The following MUC4 variants were observed in gnomAD, a reference collection of about 807,000 sequenced individuals.
MUC4 encodes mucin-4.
Under a neutral mutation model 257.9 loss-of-function variants are expected in MUC4, and 202 were observed. The observed-to-expected ratio is 0.78, with a 90% CI of 0.70 to 0.88. The LOEUF is 0.88. Ranked by LOEUF, MUC4 falls within the 40% of genes least tolerant of loss-of-function variation. The probability of loss-of-function intolerance (pLI) is 0.00; values close to 1 mark genes in which losing one functional copy is unlikely to be tolerated. For missense variants in MUC4, 5,976 were observed against 6,513.7 expected (o/e 0.92, Z 2.84); for synonymous variants, 2,351 against 2,757.1 (o/e 0.85, Z 4.62).
intron 4 of MUC4, among the ~76,000 whole-genome samples, chr3:195,772,265 C>T (rs1007052010): frequency 7.3e-5 from 11 of 151,634 alleles, no homozygotes; most frequent in African/African-American, 9.7e-5. Flanking sequence ...CTCTCTCCAT[C>T]GCTCAGGGGT....
At chr3:195,769,372 T>C in intron 6 of MUC4, 1 of 555,040 alleles carries the variant, frequency 1.8e-6, no homozygotes. Flanking sequence ...TGGATTTGCC[T>C]TTTGGTGACT....
rs1196353695 is a variant in MUC4, at chr3:195,789,991, G to T, written c.1589C>A (p.Pro530Gln). 6.2e-7 allele frequency: 1 copy of T among 1,613,942 alleles called. No individual in the cohort carries two copies. The highest frequency in any genetic ancestry group is 8.5e-7 in the Non-Finnish European group (1 of 1,179,872). Residue 530 changes from proline (P) to glutamine (Q), a missense_variant, in exon 2 of 25, where the codon CCA (proline) becomes CAA (glutamine). Pro to Gln is a moderately conservative substitution (Grantham distance 76). Coordinates refer to ENST00000463781, the MANE Select transcript of MUC4 (RefSeq NM_018406.7). Reference sequence around the variant, plus strand: ...TGCTGAGACCTTAGAGGGGACCCTTGGAATAGTGCCAGCTGTCCCTGTAGA... The same window carrying T: ...TGCTGAGACCTTAGAGGGGACCCTTTGAATAGTGCCAGCTGTCCCTGTAGA... ...NPSTGTAGTIPRVPSKVSAIG... is the reference protein window; with the variant it reads ...NPSTGTAGTIQRVPSKVSAIG...
In MUC4 at chr3:195,811,902, C is replaced by G. The variant is rs1401516692; in HGVS notation, c.-85G>C. The G allele has an allele frequency of 1.5e-6, 2 of 1,369,150 alleles. No individual in the cohort carries two copies. Among genetic ancestry groups the G allele is most frequent in the South Asian group, 2.5e-5 (2 of 79,022 alleles). 84.8% of individuals were successfully genotyped at this position (1,369,150 alleles called of 1,614,324 possible). A position where few individuals can be genotyped will look rare whatever the true frequency, so the allele number is the denominator to read the frequency against. On this transcript the variant is annotated 5_prime_UTR_variant, in exon 1 of 25. Coordinates refer to ENST00000463781, the MANE Select transcript of MUC4 (RefSeq NM_018406.7). ...GTGAGGAGCAGACGTGAGCCCGTCC[C>G]CTCAGGCGGCTGGCCCGAACCAAGT...
intron 11 of MUC4, 38 bp downstream of exon 11, chr3:195,764,007 C>T: frequency 6.3e-7 from 1 of 1,591,162 alleles, no homozygotes; most frequent in Non-Finnish European, 8.6e-7. Context: ...GCTCCCCCTC[C>T]CCAGAGGCTC....
chr3:195,804,687 G>A (rs1269708797), intron 1 of MUC4, among the ~76,000 whole-genome samples: 3 of 152,262 alleles, frequency 2.0e-5, no homozygotes, highest in Non-Finnish European at 4.4e-5. Context: ...CAAGGGAAGT[G>A]CCCAACGGTA....
chr3:195,778,519 A>G (rs1316707649), intron 2 of MUC4, 64 bp from the exon 3 acceptor site: 4 of 1,582,682 alleles, frequency 2.5e-6, no homozygotes, highest in Non-Finnish European at 3.4e-6. Flanking sequence ...AGTCAAAGAG[A>G]TTCAAAGAAA....
At chr3:195,747,800 G>T (rs1473511125) in intron 24 of MUC4, among the ~76,000 whole-genome samples, 1 of 152,286 alleles carries the variant, frequency 6.6e-6, no homozygotes, top group African/African-American at 2.4e-5. Context: ...GGTGGAGGTT[G>T]CAGTGAGCCG....
chr3:195,772,834 G>GCTCAGGGGTGTGGACACCCTCTCCATCT (rs1723341351), intron 4 of MUC4, among the ~76,000 whole-genome samples: 47 of 96,824 alleles, frequency 4.9e-4, no homozygotes, highest in African/African-American at 1.6e-3. Context: ...TCTCTCCATC[G>GCTCAGGGGTGTGGACACCCTCTCCATCT]CTCAGGGGTA....
At chr3:195,795,336 G>A (rs1002842673) in intron 1 of MUC4, among the ~76,000 whole-genome samples, 1 of 152,042 alleles carries the variant, frequency 6.6e-6, no homozygotes, top group African/African-American at 2.4e-5. Context: ...GAAGTTTCAT[G>A]ACAGCACCGT....
chr3:195,778,968 A>G lies in MUC4; in HGVS notation c.12612T>C (p.Gly4204=), dbSNP rs773528009. 7.3e-7 allele frequency: 1 copy of G among 1,376,416 alleles called. No individual in the cohort carries two copies. Among genetic ancestry groups the G allele is most frequent in the South Asian group, 1.4e-5 (1 of 71,382 alleles). 85.3% of individuals were successfully genotyped at this position (1,376,416 alleles called of 1,614,324 possible). The change falls in exon 2 of 25, where the codon GGT becomes GGC. Residue 4204 remains glycine (G), a synonymous_variant. Transcript: ENST00000463781. The part of the protein sequence containing the change: ...PVTDTSSAST[G]HATPLPVTDT... ...CGGTGACAGGAAGAGGGGTGGCGTG[A>G]CCTGTGGATGCTGAGGAAGTGTCGG...
intron 1 of MUC4, among the ~76,000 whole-genome samples, chr3:195,797,414 T>C (rs886465548): frequency 2.0e-5 from 3 of 152,208 alleles, no homozygotes; most frequent in Admixed American, 6.5e-5. Flanking sequence ...CCACAGCAGA[T>C]ACAGGAAAGT....
At chr3:195,799,813 T>G (rs553894909) in intron 1 of MUC4, among the ~76,000 whole-genome samples, 1 of 152,310 alleles carries the variant, frequency 6.6e-6, no homozygotes, top group African/African-American at 2.4e-5. Context: ...AAATTTTTCA[T>G]GTTATTAATA....
chr3:195,797,805 TTTAAAA>T lies in MUC4; in HGVS notation c.83-6314_83-6309del, dbSNP rs530922314. On this transcript the variant is annotated intron_variant, in intron 1 of 24. Transcript: ENST00000463781. Reference sequence around the variant, plus strand: ...AAAGTTCTATATCCATAATCAAAATTTTAAAAATAATTGCATTCCAGCTGGGTGTGG... The same window carrying T: ...AAAGTTCTATATCCATAATCAAAATTATAATTGCATTCCAGCTGGGTGTGG... 2.0e-4 allele frequency among the ~76,000 whole-genome samples: 30 copies of T among 152,228 alleles called. No homozygotes were observed. In the East Asian group the frequency reaches 5.2e-3, roughly 26 times the overall value.
At position 195,764,041 on chromosome 3, in the gene MUC4, T is replaced by C. The variant is rs981653519; in HGVS notation, c.14044+4A>G. 7 of 1,608,618 alleles carry C rather than the reference T, an allele frequency of 4.4e-6. No individual in the cohort carries two copies. Among genetic ancestry groups the C allele is most frequent in the African/African-American group, 4.0e-5 (3 of 74,826 alleles). On this transcript the variant is annotated splice_donor_region_variant and intron_variant, in intron 11 of 24. Coordinates refer to ENST00000463781, the MANE Select transcript of MUC4 (RefSeq NM_018406.7). ...TCTTCCTGGGCCTGGGCCCTGTCGC[T>C]CACCGGGCTGTGGGGGCCTGTATGT...
At chr3:195,774,808 G>T (rs1723965376) in intron 3 of MUC4, among the ~76,000 whole-genome samples, 1 of 151,178 alleles carries the variant, frequency 6.6e-6, no homozygotes, top group African/African-American at 2.4e-5. Context: ...GCTGAGGCAG[G>T]AGAATTGCTT....
chr3:195,762,343 A>T, intron 13 of MUC4, 89 bp from the exon 14 acceptor site: 7 of 1,364,820 alleles, frequency 5.1e-6, no homozygotes, highest in Non-Finnish European at 5.9e-6. Flanking sequence ...CACCACCCCC[A>T]CCCCGCCCCT....
intron 1 of MUC4, among the ~76,000 whole-genome samples, chr3:195,803,280 C>T (rs1735578550): frequency 1.3e-5 from 2 of 152,212 alleles, no homozygotes; most frequent in African/African-American, 2.4e-5. Flanking sequence ...GGACTCAGCC[C>T]GATTCTTGCG....
chr3:195,753,271 A>G, intron 19 of MUC4, 41 bp from the exon 20 acceptor site: 1 of 1,597,164 alleles, frequency 6.3e-7, no homozygotes, highest in Non-Finnish European at 8.6e-7. Context: ...CGCGCAGGGC[A>G]GCAGAGGGAC....
chr3:195,808,934 T>A (rs1736341728), intron 1 of MUC4, among the ~76,000 whole-genome samples: 1 of 152,142 alleles, frequency 6.6e-6, no homozygotes, highest in South Asian at 2.1e-4. Context: ...CCCTTCCCCG[T>A]GGAGTGCGCT....
Sources: allele counts gnomAD v4.1 joint callset (sites outside exome capture counted in the v4.1 genomes callset), GRCh38; gene constraint gnomAD v4.1.1; transcripts MANE v1.5; gene names NCBI Gene and HGNC (gene_info 2026-07-23, HGNC 2026-07-21).